The following XRN1 variants were observed in gnomAD, a reference collection of about 807,000 sequenced individuals.
XRN1 encodes the protein strand-exchange protein 1 homolog.
A neutral mutation model predicts 222.3 loss-of-function variants in XRN1; 67 were observed. That is an observed-to-expected ratio of 0.30 (90% confidence interval 0.25 to 0.37). XRN1 has a LOEUF of 0.37. Ranked by LOEUF, XRN1 falls within the 10% of genes least tolerant of loss-of-function variation. The pLI is 1.00. For missense variants in XRN1, 1,707 were observed against 2,000.2 expected (o/e 0.85, Z 2.80); for synonymous variants, 643 against 652.4 (o/e 0.99, Z 0.22).
intron 39 of XRN1, 71 bp downstream of exon 39, chr3:142,318,521 T>C: frequency 7.4e-7 from 1 of 1,357,754 alleles, no homozygotes; most frequent in Non-Finnish European, 1.0e-6. Flanking sequence ...GAGTACATTC[T>C]TGATTTCTTA....
chr3:142,391,680 A>G (rs1320721502), intron 20 of XRN1, among the ~76,000 whole-genome samples: 1 of 150,670 alleles, frequency 6.6e-6, no homozygotes, highest in Non-Finnish European at 1.5e-5. Flanking sequence ...GGTGAGGTAT[A>G]ATATGAATGT....
chr3:142,397,233 G>A, intron 20 of XRN1, 96 bp downstream of exon 20: 1 of 1,185,258 alleles, frequency 8.4e-7, no homozygotes, highest in Non-Finnish European at 1.1e-6. Flanking sequence ...TTAGTATTCA[G>A]AGTAACTACT....
rs2069039574 is a variant in XRN1 at position 142,421,642 on chromosome 3, A to G, written c.968-99T>C. 6 of 849,006 alleles carry G rather than the reference A, an allele frequency of 7.1e-6. No homozygotes were observed. In the South Asian group the frequency reaches 9.6e-5, roughly 14 times the overall value. The allele number at this position is 849,006 out of a possible 1,614,324, so 52.6% of individuals were successfully genotyped here. Reference sequence around the variant, plus strand: ...ACAAAATGTTGAATGTTCATGTTCTACAGTACTAATCAAGAAAAAACAGTG... The same window carrying G: ...ACAAAATGTTGAATGTTCATGTTCTGCAGTACTAATCAAGAAAAAACAGTG... On this transcript the variant is annotated intron_variant, in intron 8 of 40. Coordinates refer to ENST00000392981, the MANE Select transcript of XRN1 (RefSeq NM_001282857.2).
chr3:142,408,862 A>G (rs2068453037), intron 15 of XRN1, among the ~76,000 whole-genome samples: 3 of 152,134 alleles, frequency 2.0e-5, no homozygotes, highest in South Asian at 4.1e-4. Context: ...AATATTGGGT[A>G]TTGCCTTTTA....
At chr3:142,424,766 T>A (rs2069180854) in intron 5 of XRN1, among the ~76,000 whole-genome samples, 1 of 152,068 alleles carries the variant, frequency 6.6e-6, no homozygotes, top group South Asian at 2.1e-4. Flanking sequence ...GGTAGAAATT[T>A]AAAATTATTT....
intron 37 of XRN1, among the ~76,000 whole-genome samples, chr3:142,322,688 CA>C (rs199808528): frequency 2.7e-5 from 4 of 150,746 alleles, no homozygotes; most frequent in Admixed American, 6.6e-5. Context: ...AACAAACAAA[CA>C]AAAAAAAATT....
intron 20 of XRN1, among the ~76,000 whole-genome samples, chr3:142,395,356 C>G (rs1252078235): frequency 6.6e-6 from 1 of 152,216 alleles, no homozygotes; most frequent in African/African-American, 2.4e-5. Context: ...GTCTACCCAA[C>G]TTGGTCGACA....
intron 32 of XRN1, among the ~76,000 whole-genome samples, chr3:142,350,656 T>C (rs1029833881): frequency 3.7e-4 from 56 of 152,196 alleles, no homozygotes; most frequent in African/African-American, 1.3e-3. Context: ...AGAGTTGGTA[T>C]GAATTTGGAG....
intron 36 of XRN1, among the ~76,000 whole-genome samples, chr3:142,331,721 C>T (rs2065701090): frequency 6.6e-6 from 1 of 152,180 alleles, no homozygotes; most frequent in African/African-American, 2.4e-5. Context: ...ATTAAGTAAT[C>T]ACAAGAAGAC....
At chr3:142,362,219 C>A (rs1041903010) in intron 29 of XRN1, among the ~76,000 whole-genome samples, 1 of 152,028 alleles carries the variant, frequency 6.6e-6, no homozygotes, top group Non-Finnish European at 1.5e-5. Flanking sequence ...CTCACTGCAA[C>A]CTCTGCCTCC....
rs188274738 is a variant in XRN1 at position 142,312,028 on chromosome 3, T to C, written c.4783-215A>G. 1.0e-3 allele frequency among the ~76,000 whole-genome samples: 152 copies of C among 152,286 alleles called. 1 individual carries two copies. Among genetic ancestry groups the C allele is most frequent in the African/African-American group, 3.4e-3 (143 of 41,552 alleles). On this transcript the variant is annotated intron_variant, in intron 40 of 40. Transcript: ENST00000392981. ...TGGGCTGTGTGCAGTGGCTCACAAC[T>C]GTAATATCAGCACTTTGGGAGGCCG...
At chr3:142,327,594 A>C (rs2065556011) in intron 37 of XRN1, among the ~76,000 whole-genome samples, 2 of 150,126 alleles carry the variant, frequency 1.3e-5, no homozygotes, top group Admixed American at 1.3e-4. Flanking sequence ...CAATTCATTA[A>C]TTTCTGCCCC....
chr3:142,309,709 G>A lies in XRN1; in HGVS notation c.*1802C>T, dbSNP rs1356546664. On this transcript the variant is annotated 3_prime_UTR_variant, in exon 41 of 41. Transcript: ENST00000392981. ...TGAGCTGCATGCTATTTATATAACT[G>A]TCACACAGGAGTAATGAGTGAGGCA... 4 of 152,200 alleles carry A rather than the reference G, an allele frequency of 2.6e-5. No individual in the cohort carries two copies. The highest frequency in any genetic ancestry group is 5.9e-5 in the Non-Finnish European group (4 of 68,040). 9.4% of individuals were successfully genotyped at this position (152,200 alleles called of 1,614,324 possible). A position where few individuals can be genotyped will look rare whatever the true frequency, so the allele number is the denominator to read the frequency against.
At chr3:142,323,294 GT>G (rs75425647) in intron 37 of XRN1, among the ~76,000 whole-genome samples, 63 of 136,930 alleles carry the variant, frequency 4.6e-4, no homozygotes, top group Non-Finnish European at 3.8e-4. Context: ...TTTTTTTTTT[GT>G]TTTTTTTTTT....
intron 31 of XRN1, 67 bp from the exon 32 acceptor site, chr3:142,355,563 C>G: frequency 9.6e-7 from 1 of 1,045,650 alleles, no homozygotes; most frequent in Non-Finnish European, 1.4e-6. Context: ...TATTAAAAAT[C>G]AAATAATTCA....
At chr3:142,390,959 T>C (rs905153366) in intron 20 of XRN1, among the ~76,000 whole-genome samples, 2 of 152,148 alleles carry the variant, frequency 1.3e-5, no homozygotes, top group Non-Finnish European at 2.9e-5. Context: ...CGTTGGTTGG[T>C]AGAGCAGTCA....
chr3:142,333,237 AG>A, intron 34 of XRN1, 148 bp from the exon 35 acceptor site: 1 of 957,766 alleles, frequency 1.0e-6, no homozygotes, highest in Admixed American at 3.3e-5. Flanking sequence ...TGGAATAAAT[AG>A]TTTTTTACCT....
At chr3:142,429,144 C>CTTTTT (rs199947503) in intron 2 of XRN1, among the ~76,000 whole-genome samples, 3 of 120,072 alleles carry the variant, frequency 2.5e-5, no homozygotes, top group Non-Finnish European at 5.2e-5. Context: ...TAGCCATAAT[C>CTTTTT]TTTTTTTTTT....
rs944573060 is a variant in XRN1 at position 142,309,726 on chromosome 3, A to C, written c.*1785T>G. The C allele has an allele frequency of 2.0e-5, 3 of 152,238 alleles. No homozygotes were observed. Among genetic ancestry groups the C allele is most frequent in the African/African-American group, 7.2e-5 (3 of 41,460 alleles). The allele number at this position is 152,238 out of a possible 1,614,324, so 9.4% of individuals were successfully genotyped here. On this transcript the variant is annotated 3_prime_UTR_variant, in exon 41 of 41. Transcript: ENST00000392981. ...ATATAACTGTCACACAGGAGTAATG[A>C]GTGAGGCAAATTCTCAATGCTGGAG...
Sources: allele counts gnomAD v4.1 joint callset (sites outside exome capture counted in the v4.1 genomes callset), GRCh38; gene constraint gnomAD v4.1.1; transcripts MANE v1.5; gene names NCBI Gene and HGNC (gene_info 2026-07-23, HGNC 2026-07-21).